CDC14A: variants seen among roughly 807,000 people sequenced by gnomAD.
The protein encoded by CDC14A is dual specificity protein phosphatase CDC14A.
Under a neutral mutation model 74.4 loss-of-function variants are expected in CDC14A, and 53 were observed. The ratio of observed to expected loss-of-function variants is 0.71; its 90% CI spans 0.57 to 0.89. CDC14A has a LOEUF of 0.89. Among genes scored for constraint, CDC14A ranks in the 40% least tolerant of loss-of-function variants. The pLI is 0.00. For synonymous variants in CDC14A, 247 were observed against 258.4 expected (o/e 0.96, Z 0.43); for missense variants, 646 against 713.7 (o/e 0.91, Z 1.08).
At chr1:100,456,918 T>C (rs958925402) in intron 8 of CDC14A, among the ~76,000 whole-genome samples, 2 of 152,198 alleles carry the variant, frequency 1.3e-5, no homozygotes, top group Admixed American at 1.3e-4. Flanking sequence ...TAAATAATCT[T>C]TTTTGGTCTG....
upstream of CDC14A, among the ~76,000 whole-genome samples, chr1:100,351,264 C>T (rs1650956586): frequency 1.3e-5 from 2 of 152,062 alleles, no homozygotes; most frequent in Non-Finnish European, 2.9e-5. Context: ...GGGCTGGTTC[C>T]CTCAGTCAGC....
chr1:100,388,729 T>A (rs548987684), intron 3 of CDC14A, among the ~76,000 whole-genome samples: 65 of 152,264 alleles, frequency 4.3e-4, no homozygotes, highest in Non-Finnish European at 8.1e-4. Context: ...ATCCAGTCTT[T>A]TTGTAGAGAT....
At chr1:100,499,536 G>C in intron 15 of CDC14A, 4 of 1,034,052 alleles carry the variant, frequency 3.9e-6, no homozygotes, top group Non-Finnish European at 1.3e-6. Flanking sequence ...AAGGGAAATA[G>C]CTTTCATTCT....
At chr1:100,374,363 TC>T (rs1391281240) in intron 2 of CDC14A, among the ~76,000 whole-genome samples, 1 of 152,194 alleles carries the variant, frequency 6.6e-6, no homozygotes, top group Non-Finnish European at 1.5e-5. Flanking sequence ...TAGTTCTAGA[TC>T]CCTGAGAAAT....
At chr1:100,491,572 A>ATTTTTTTTTTTTTTTTTTTTTT (rs59429516) in intron 11 of CDC14A, among the ~76,000 whole-genome samples, 2 of 25,100 alleles carry the variant, frequency 8.0e-5, no homozygotes, top group African/African-American at 3.2e-4. Flanking sequence ...ATATATATAT[A>ATTTTTTTTTTTTTTTTTTTTTT]TTTTTTTTTT....
chr1:100,370,572 T>C (rs1654335179), intron 2 of CDC14A, among the ~76,000 whole-genome samples: 1 of 152,204 alleles, frequency 6.6e-6, no homozygotes, highest in Non-Finnish European at 1.5e-5. Flanking sequence ...TAGGAAGTCC[T>C]TTCCCTAGTG....
At chr1:100,456,608 C>G (rs953137126) in intron 8 of CDC14A, among the ~76,000 whole-genome samples, 1 of 151,248 alleles carries the variant, frequency 6.6e-6, no homozygotes, top group African/African-American at 2.4e-5. Context: ...AGTTCAAGAC[C>G]AGCCTCGGCA....
rs761964220 is a variant in CDC14A, at chr1:100,518,239, C to T, written c.1756-12C>T. On this transcript the variant is annotated splice_polypyrimidine_tract_variant and intron_variant, in intron 15 of 15. Transcript: ENST00000336454. ...TGGAATTTAACCTCAGTTTATGTCT[C>T]TCCCTGCACAGTCCCTTCAGTCTGA... 1 of 1,608,580 alleles carries T rather than the reference C, an allele frequency of 6.2e-7. No individual in the cohort carries two copies. The highest frequency in any genetic ancestry group is 8.5e-7 in the Non-Finnish European group (1 of 1,175,472).
intron 12 of CDC14A, 115 bp downstream of exon 12, chr1:100,495,045 G>A (rs1295832305): frequency 1.6e-5 from 10 of 610,768 alleles, no homozygotes; most frequent in Non-Finnish European, 2.9e-5. Context: ...CAAATACTAA[G>A]TTTACTATTT....
chr1:100,391,862 G>A (rs978723257), intron 4 of CDC14A, among the ~76,000 whole-genome samples: 3 of 152,222 alleles, frequency 2.0e-5, no homozygotes, highest in Admixed American at 2.0e-4. Context: ...GTAGCACTGA[G>A]GTGCCCAGCC....
rs541703424 is a variant in CDC14A, at chr1:100,450,271, G to C, written c.520-5134G>C. On this transcript the variant is annotated intron_variant, in intron 7 of 15. Transcript: ENST00000336454. ...TCCTGTCTCTCAGCAAGTCACATTG[G>C]GTCAAGAGCAGGAGTCAATATTGTT... Among the ~76,000 whole-genome samples the C allele has an allele frequency of 3.9e-5, 6 of 152,270 alleles. No individual in the cohort carries two copies. The East Asian group carries it at 1.2e-3, about 29-fold the overall frequency.
At chr1:100,427,012 A>G (rs962227710) in intron 5 of CDC14A, among the ~76,000 whole-genome samples, 13 of 152,318 alleles carry the variant, frequency 8.5e-5, no homozygotes, top group African/African-American at 3.1e-4. Context: ...AGTTGTTTTT[A>G]GTCTACAGTT....
intron 11 of CDC14A, among the ~76,000 whole-genome samples, chr1:100,494,463 A>G (rs528170785): frequency 6.6e-6 from 1 of 152,330 alleles, no homozygotes; most frequent in South Asian, 2.1e-4. Flanking sequence ...GTATCTAAAA[A>G]CATATTTGTA....
At chr1:100,467,519 ACCTATAACTTTC>A (rs1667962286) in intron 9 of CDC14A, among the ~76,000 whole-genome samples, 1 of 152,052 alleles carries the variant, frequency 6.6e-6, no homozygotes, top group Non-Finnish European at 1.5e-5. Flanking sequence ...AATGTCACTT[ACCTATAACTTTC>A]CCTGTGACCC....
intron 5 of CDC14A, among the ~76,000 whole-genome samples, chr1:100,428,768 A>G (rs1280334642): frequency 6.6e-6 from 1 of 152,196 alleles, no homozygotes; most frequent in Non-Finnish European, 1.5e-5. Context: ...TAACCAATCT[A>G]AATTGTACAA....
intron 2 of CDC14A, among the ~76,000 whole-genome samples, chr1:100,373,602 A>G (rs1207579477): frequency 6.6e-6 from 1 of 152,098 alleles, no homozygotes; most frequent in Non-Finnish European, 1.5e-5. Context: ...ATAAAATGAG[A>G]TATGCCTATA....
intron 11 of CDC14A, among the ~76,000 whole-genome samples, chr1:100,491,546 C>CTATATATATATA (rs1300450625): frequency 5.0e-5 from 2 of 39,926 alleles, no homozygotes; most frequent in Non-Finnish European, 1.1e-4. Context: ...CTCTCTCTCT[C>CTATATATATATA]TCTATATATA....
At chr1:100,365,623 T>A (rs1335555770) in intron 2 of CDC14A, among the ~76,000 whole-genome samples, 1 of 152,176 alleles carries the variant, frequency 6.6e-6, no homozygotes, top group East Asian at 1.9e-4. Context: ...TAGTTCTGCA[T>A]CAGACTGCTG....
chr1:100,375,323 GA>G (rs1557692826), intron 2 of CDC14A, among the ~76,000 whole-genome samples: 1 of 152,192 alleles, frequency 6.6e-6, no homozygotes, highest in Non-Finnish European at 1.5e-5. Context: ...GAAGCTAGGG[GA>G]ATGTTGTGTA....
Sources: gnomAD v4.1 joint callset for allele counts (sites outside exome capture counted in the v4.1 genomes callset) on GRCh38, gnomAD v4.1.1 for gene constraint, MANE v1.5 for transcripts, NCBI Gene and HGNC (gene_info 2026-07-23, HGNC 2026-07-21) for gene names.